The following KIFAP3 variants were observed in gnomAD, a reference collection of about 807,000 sequenced individuals.
KIFAP3 encodes the protein kinesin-associated protein 3.
In KIFAP3, 68 loss-of-function variants were observed where a neutral mutation model predicts 106.5. That is an observed-to-expected ratio of 0.64 (90% confidence interval 0.53 to 0.78). The LOEUF (loss-of-function observed/expected upper bound fraction) is 0.78. Among genes scored for constraint, KIFAP3 ranks in the 30% least tolerant of loss-of-function variants. KIFAP3 has a pLI of 0.00. For missense variants in KIFAP3, 780 were observed against 941.8 expected, an observed-to-expected ratio of 0.83 and a Z score of 2.25; for synonymous variants, 320 against 311.5, an observed-to-expected ratio of 1.03 and a Z score of -0.29.
intron 8 of KIFAP3, among the ~76,000 whole-genome samples, chr1:170,030,800 A>T (rs922793209): frequency 4.0e-5 from 6 of 151,830 alleles, no homozygotes; most frequent in African/African-American, 1.4e-4. Context: ...AGGCAGAAGG[A>T]AGAAGGAAAG....
Position 169,967,381 on chromosome 1 carries a change from G to A in KIFAP3, c.1983+5132C>T, listed in dbSNP as rs894865031. Among the ~76,000 whole-genome samples the A allele has an allele frequency of 2.6e-5, 4 of 151,806 alleles. No homozygotes were observed. The East Asian group carries it at 5.8e-4, about 22-fold the overall frequency. On this transcript the variant is annotated intron_variant, in intron 17 of 19. Transcript: ENST00000361580. ...CACATTCCTATGGACCATCATTCGG[G>A]AATCTCTATCTTCTCTATGTGCTCT...
chr1:169,972,714 T>C, intron 16 of KIFAP3, 116 bp from the exon 17 acceptor site: 1 of 515,294 alleles, frequency 1.9e-6, no homozygotes, highest in Non-Finnish European at 3.4e-6. Flanking sequence ...TAACCCAAAT[T>C]TTAAAATAAA....
chr1:169,954,147 T>C (rs775078820), intron 18 of KIFAP3, 37 bp from the exon 19 acceptor site: 33 of 1,266,398 alleles, frequency 2.6e-5, no homozygotes, highest in Middle Eastern at 3.7e-4. Flanking sequence ...GTAAAACATA[T>C]GTGTAGGAAA....
intron 1 of KIFAP3, among the ~76,000 whole-genome samples, chr1:170,062,224 AAAAAAG>A (rs1671205484): frequency 6.6e-6 from 1 of 151,654 alleles, no homozygotes; most frequent in Non-Finnish European, 1.5e-5. Context: ...TCAAAAAAAA[AAAAAAG>A]AAAAAGAAAA....
rs1666409302 is a variant in KIFAP3 at position 169,979,685 on chromosome 1, TGAAAACCAGCA to T, written c.1799-1513_1799-1503del. Among the ~76,000 whole-genome samples, 2 of 152,080 alleles carry T rather than the reference TGAAAACCAGCA, an allele frequency of 1.3e-5. 1 individual carries two copies. The highest frequency in any genetic ancestry group is 4.1e-4 in the South Asian group (2 of 4,826). ...AGCTCTCTTACACTACTGGTAAGAA[TGAAAACCAGCA>T]GAACTACAGATTGGCATAGTTTACT... is the stretch of plus-strand genomic sequence containing the variant. On this transcript the variant is annotated intron_variant, in intron 15 of 19. Transcript: ENST00000361580.
chr1:170,084,542 G>T (rs1672073121), intron 1 of KIFAP3, among the ~76,000 whole-genome samples: 1 of 152,136 alleles, frequency 6.6e-6, no homozygotes, highest in African/African-American at 2.4e-5. Context: ...GCACAAAAGG[G>T]AATAATCCAC....
chr1:169,977,795 G>A (rs559546430), intron 16 of KIFAP3, among the ~76,000 whole-genome samples: 25 of 152,138 alleles, frequency 1.6e-4, no homozygotes, highest in Non-Finnish European at 3.2e-4. Context: ...ATAGTCCTAG[G>A]AACCTCTGAT....
chr1:170,060,683 A>G (rs144988293), intron 1 of KIFAP3, among the ~76,000 whole-genome samples: 2,043 of 152,332 alleles, frequency 0.013, 68 homozygotes, highest in East Asian at 0.12. Flanking sequence ...ATGGAACCAA[A>G]AAACAGCCCG....
chr1:170,081,074 A>G (rs746988788), intron 1 of KIFAP3, among the ~76,000 whole-genome samples: 3 of 152,196 alleles, frequency 2.0e-5, no homozygotes, highest in Non-Finnish European at 2.9e-5. Context: ...CCAAAATTTA[A>G]AACTTCCCTT....
chr1:170,026,209 C>T (rs1669093041), intron 8 of KIFAP3, among the ~76,000 whole-genome samples: 1 of 152,058 alleles, frequency 6.6e-6, no homozygotes, highest in Non-Finnish European at 1.5e-5. Context: ...CCTGATGATA[C>T]CTTGACTTTG....
chr1:170,018,865 C>A (rs1430928110), intron 9 of KIFAP3, among the ~76,000 whole-genome samples: 1 of 152,258 alleles, frequency 6.6e-6, no homozygotes, highest in Admixed American at 6.5e-5. Context: ...TCCACAGCCA[C>A]ACTGTAGTCA....
At chr1:169,922,249 T>C (rs568038413) in intron 19 of KIFAP3, among the ~76,000 whole-genome samples, 1 of 152,188 alleles carries the variant, frequency 6.6e-6, no homozygotes, top group African/African-American at 2.4e-5. Context: ...GTTTGAGTTA[T>C]ATCAGTGAAC....
chr1:169,921,852 A>G, intron 19 of KIFAP3, 71 bp from the exon 20 acceptor site: 1 of 1,043,262 alleles, frequency 9.6e-7, no homozygotes, highest in Non-Finnish European at 1.5e-6. Context: ...TAAGAGGCCT[A>G]CATTTTTATA....
At chr1:170,017,029 C>T (rs992705766) in intron 9 of KIFAP3, among the ~76,000 whole-genome samples, 5 of 152,110 alleles carry the variant, frequency 3.3e-5, no homozygotes, top group Admixed American at 6.6e-5. Context: ...GAGGCCGAGG[C>T]GGGCAGATCA....
At chr1:170,021,369 T>C (rs892509115) in intron 9 of KIFAP3, among the ~76,000 whole-genome samples, 2 of 151,298 alleles carry the variant, frequency 1.3e-5, no homozygotes, top group Non-Finnish European at 1.5e-5. Flanking sequence ...AAAAAAACAG[T>C]GTATGCATAC....
rs1392408153 is a variant in KIFAP3 at position 170,042,236 on chromosome 1, C to T, written c.320-2948G>A. On this transcript the variant is annotated intron_variant, in intron 3 of 19. Coordinates refer to ENST00000361580, the MANE Select transcript of KIFAP3 (RefSeq NM_014970.4). The stretch of plus-strand genomic sequence containing the variant: ...TTGGATTGTATCTTGCAAAACTGGG[C>T]AGCTTTCACCTATGAACCCATGAAA... 2.6e-5 allele frequency among the ~76,000 whole-genome samples: 4 copies of T among 152,168 alleles called. No homozygotes were observed. The South Asian group carries it at 8.3e-4, about 32-fold the overall frequency.
intron 19 of KIFAP3, among the ~76,000 whole-genome samples, chr1:169,938,226 A>G (rs1439787214): frequency 6.6e-6 from 1 of 152,002 alleles, no homozygotes; most frequent in Non-Finnish European, 1.5e-5. Flanking sequence ...TAATACAAGT[A>G]CACTACGAAT....
At chr1:169,969,374 G>A (rs1024311345) in intron 17 of KIFAP3, among the ~76,000 whole-genome samples, 8 of 151,890 alleles carry the variant, frequency 5.3e-5, no homozygotes, top group Non-Finnish European at 1.2e-4. Flanking sequence ...AGGCTTCCTT[G>A]GTTATCTTTG....
At chr1:170,039,438 T>C in intron 3 of KIFAP3, 150 bp from the exon 4 acceptor site, 2 of 535,020 alleles carry the variant, frequency 3.7e-6, no homozygotes, top group Non-Finnish European at 6.7e-6. Context: ...TGCATAAAAA[T>C]GTTCATATAT....
Sources: gnomAD v4.1 joint callset for allele counts (sites outside exome capture counted in the v4.1 genomes callset) on GRCh38, gnomAD v4.1.1 for gene constraint, MANE v1.5 for transcripts, NCBI Gene and HGNC (gene_info 2026-07-23, HGNC 2026-07-21) for gene names.